The following SLC35E2B variants were observed in gnomAD, a reference collection of about 807,000 sequenced individuals.
SLC35E2B encodes the protein solute carrier family 35 member E2B, also known as solute carrier family 35, member E2B.
SLC35E2B carries 18 observed loss-of-function variants against 32.4 expected under a neutral mutation model. That is an observed-to-expected ratio of 0.56 (90% CI 0.38 to 0.82). The LOEUF (loss-of-function observed/expected upper bound fraction) is 0.82, where lower values mean the gene tolerates loss of function less well. Among genes scored for constraint, SLC35E2B ranks in the 40% least tolerant of loss-of-function variants. The pLI is 0.00. For synonymous variants in SLC35E2B, 132 were observed against 209.1 expected (o/e 0.63, Z 3.18); for missense variants, 263 against 469.5 (o/e 0.56, Z 4.06).
chr1:1,663,144 G>A lies in SLC35E2B; in HGVS notation c.*2638C>T, dbSNP rs1190438429. The A allele has an allele frequency of 1.1e-6, 1 of 936,722 alleles. No homozygotes were observed. The highest frequency in any genetic ancestry group is 1.8e-5 in the African/African-American group (1 of 56,828). The allele number at this position is 936,722 out of a possible 1,614,324, so 58.0% of individuals were successfully genotyped here. A position where few individuals can be genotyped will look rare whatever the true frequency, so the allele number is the denominator to read the frequency against. ...GGCTCCAGGCTCCTTCTGCCAGGATGAGGAAGAGGCCCCAGAGCAGCGTTA... is the reference window on the plus strand; with the variant it reads ...GGCTCCAGGCTCCTTCTGCCAGGATAAGGAAGAGGCCCCAGAGCAGCGTTA... On this transcript the variant is annotated 3_prime_UTR_variant, in exon 10 of 10. Coordinates refer to ENST00000617444, the MANE Select transcript of SLC35E2B (RefSeq NM_001290264.2).
intron 2 of SLC35E2B, among the ~76,000 whole-genome samples, chr1:1,685,430 A>G (rs1229128109): frequency 1.3e-5 from 2 of 151,148 alleles, no homozygotes; most frequent in Non-Finnish European, 2.9e-5. Context: ...AAAAAAAAAA[A>G]AAGAAAAGGA....
intron 2 of SLC35E2B, among the ~76,000 whole-genome samples, chr1:1,680,805 C>CTT (rs751698818): frequency 1.4e-5 from 2 of 141,452 alleles, no homozygotes; most frequent in African/African-American, 2.6e-5. Flanking sequence ...GCTGCTTATT[C>CTT]TTTTTTTTTT....
rs1222346552 is a variant in SLC35E2B at position 1,669,683 on chromosome 1, G to A, written c.815C>T (p.Pro272Leu). 72 of 1,528,820 alleles carry A rather than the reference G, an allele frequency of 4.7e-5. No homozygotes were observed. The highest frequency in any genetic ancestry group is 9.6e-5 in the African/African-American group (7 of 72,618). The allele number at this position is 1,528,820 out of a possible 1,614,324, so 94.7% of individuals were successfully genotyped here. A position where few individuals can be genotyped will look rare whatever the true frequency, so the allele number is the denominator to read the frequency against. ...TSAAAVAMLVPARVFFTDVPV... is the reference protein window; with the variant it reads ...TSAAAVAMLVLARVFFTDVPV... ...ACCCACCGTAAAGAAAACCCGGGCCGGGACGAGCATGGCCACCGCAGCGGC... is the reference window on the plus strand; with the variant it reads ...ACCCACCGTAAAGAAAACCCGGGCCAGGACGAGCATGGCCACCGCAGCGGC... Residue 272 changes from proline to leucine, a missense_variant, in exon 8 of 10, where the codon CCG (proline) becomes CTG (leucine). Coordinates refer to ENST00000617444, the MANE Select transcript of SLC35E2B (RefSeq NM_001290264.2).
chr1:1,670,017 T>G, intron 7 of SLC35E2B, 81 bp downstream of exon 7: 3 of 1,252,638 alleles, frequency 2.4e-6, no homozygotes, highest in Non-Finnish European at 3.4e-6. Context: ...GTCAGGCCTG[T>G]GGGGTGTTCT....
At chr1:1,674,938 T>G (rs773893654) in intron 5 of SLC35E2B, among the ~76,000 whole-genome samples, 83 of 152,256 alleles carry the variant, frequency 5.5e-4, no homozygotes, top group Admixed American at 9.8e-4. Context: ...GGGGCTGACA[T>G]GTCGCTGGAA....
At chr1:1,682,718 G>A (rs941356925) in intron 2 of SLC35E2B, among the ~76,000 whole-genome samples, 1 of 152,038 alleles carries the variant, frequency 6.6e-6, no homozygotes, top group Non-Finnish European at 1.5e-5. Context: ...AGGGGGTTCC[G>A]GGGTCCTCCC....
intron 8 of SLC35E2B, among the ~76,000 whole-genome samples, chr1:1,669,052 G>A (rs1318437141): frequency 1.3e-5 from 2 of 152,006 alleles, no homozygotes; most frequent in Non-Finnish European, 2.9e-5. Context: ...CCACTGCTGG[G>A]TATACACGCA....
chr1:1,690,190 G>T (rs1409736896), intron 2 of SLC35E2B, among the ~76,000 whole-genome samples: 1 of 147,346 alleles, frequency 6.8e-6, no homozygotes, highest in Non-Finnish European at 1.5e-5. Context: ...TGAGGCAGGA[G>T]AATCACTTGA....
At position 1,673,379 on chromosome 1, in the gene SLC35E2B, A is replaced by G. The variant is rs184463929; in HGVS notation, c.587-1750T>C. ...AAACTGAAGTTGGTGGTGGTGAGAA[A>G]GTTATTATGGGCAGGTGCAGCAGCT... On this transcript the variant is annotated intron_variant, in intron 5 of 9. Transcript: ENST00000617444. The G allele has an allele frequency of 7.9e-4, 350 of 440,682 alleles. 9 individuals are homozygous for G. The East Asian group carries it at 8.3e-3, about 10-fold the overall frequency. The allele number at this position is 440,682 out of a possible 1,614,324, so 27.3% of individuals were successfully genotyped here.
chr1:1,671,355 A>G (rs1051443851), intron 6 of SLC35E2B, 154 bp downstream of exon 6: 4 of 826,122 alleles, frequency 4.8e-6, no homozygotes, highest in Non-Finnish European at 6.7e-6. Flanking sequence ...CCTGCCGGGG[A>G]TACCTGTTGT....
chr1:1,690,280 C>CAAAAAA (rs751562734), intron 2 of SLC35E2B, among the ~76,000 whole-genome samples: 1 of 52,032 alleles, frequency 1.9e-5, no homozygotes, highest in African/African-American at 6.9e-5. Flanking sequence ...AACTCTGTCT[C>CAAAAAA]AAAAAAAAAA....
chr1:1,666,604 C>T (rs1311352030), intron 9 of SLC35E2B, among the ~76,000 whole-genome samples: 1 of 152,224 alleles, frequency 6.6e-6, no homozygotes, highest in African/African-American at 2.4e-5. Context: ...AGAACAAGAA[C>T]ATCACCGGGC....
intron 2 of SLC35E2B, among the ~76,000 whole-genome samples, chr1:1,681,914 G>A (rs1361334308): frequency 6.8e-6 from 1 of 147,104 alleles, no homozygotes; most frequent in Non-Finnish European, 1.5e-5. Flanking sequence ...GAACCCGGGA[G>A]GTGGAGCTTG....
At chr1:1,669,957 G>A (rs1176927803) in intron 7 of SLC35E2B, 141 bp downstream of exon 7, 18 of 888,960 alleles carry the variant, frequency 2.0e-5, no homozygotes, top group African/African-American at 3.4e-5. Context: ...GGTCCCTCCC[G>A]AGCTTAGACA....
chr1:1,684,809 A>C (rs1643932280), intron 2 of SLC35E2B, among the ~76,000 whole-genome samples: 1 of 146,708 alleles, frequency 6.8e-6, no homozygotes, highest in African/African-American at 2.5e-5. Flanking sequence ...AAAAAAAAAA[A>C]AAAAACAGGA....
intron 5 of SLC35E2B, chr1:1,674,443 CAA>C (rs1455461889): frequency 6.6e-6 from 1 of 151,902 alleles, no homozygotes; most frequent in Non-Finnish European, 1.5e-5. Flanking sequence ...AGTGAAAAAA[CAA>C]AAAGACACAC....
intron 2 of SLC35E2B, among the ~76,000 whole-genome samples, chr1:1,682,504 G>A (rs1006719415): frequency 6.6e-6 from 1 of 152,164 alleles, no homozygotes; most frequent in Admixed American, 6.5e-5. Context: ...CGGAGCGGGG[G>A]AAGACTGAGG....
intron 2 of SLC35E2B, among the ~76,000 whole-genome samples, chr1:1,687,406 G>C (rs1643965260): frequency 6.6e-6 from 1 of 151,842 alleles, no homozygotes. Flanking sequence ...GCGAAACCCT[G>C]TCTCTACTAA....
intron 2 of SLC35E2B, among the ~76,000 whole-genome samples, chr1:1,686,211 C>G (rs1643948218): frequency 6.6e-6 from 1 of 151,966 alleles, no homozygotes; most frequent in African/African-American, 2.4e-5. Flanking sequence ...ACCATGTTGG[C>G]CAGGCTGGTC....
Sources: gnomAD v4.1 joint callset for allele counts (sites outside exome capture counted in the v4.1 genomes callset) on GRCh38, gnomAD v4.1.1 for gene constraint, MANE v1.5 for transcripts, NCBI Gene and HGNC (gene_info 2026-07-23, HGNC 2026-07-21) for gene names.